KLF12: variants seen among roughly 807,000 people sequenced by gnomAD.
KLF12 encodes Krueppel-like factor 12.
A neutral mutation model predicts 37.8 loss-of-function variants in KLF12; 9 were observed. The ratio of observed to expected loss-of-function variants is 0.24; its 90% confidence interval spans 0.14 to 0.42. KLF12 has a LOEUF of 0.42. KLF12 is among the 10% of genes least tolerant of loss of function. The probability of loss-of-function intolerance (pLI) is 1.00; values close to 1 mark genes in which losing one functional copy is unlikely to be tolerated. For synonymous variants in KLF12, 208 were observed against 202.1 expected, an observed-to-expected ratio of 1.03 and a Z score of -0.25; for missense variants, 411 against 516.0, an observed-to-expected ratio of 0.80 and a Z score of 1.97.
chr13:73,969,786 T>C (rs1593793209), intron 2 of KLF12, among the ~76,000 whole-genome samples: 1 of 152,200 alleles, frequency 6.6e-6, no homozygotes, highest in South Asian at 2.1e-4. Flanking sequence ...CACTTAACAA[T>C]AGGCCAAGGC....
chr13:74,048,429 T>G (rs1174974005), intron 1 of KLF12, among the ~76,000 whole-genome samples: 3 of 152,038 alleles, frequency 2.0e-5, no homozygotes, highest in Non-Finnish European at 4.4e-5. Flanking sequence ...GGACTGTTTT[T>G]TTTTTCCCAA....
At chr13:73,953,697 T>C (rs929609394) in intron 2 of KLF12, among the ~76,000 whole-genome samples, 1 of 152,210 alleles carries the variant, frequency 6.6e-6, no homozygotes, top group African/African-American at 2.4e-5. Flanking sequence ...TGATTTCAAG[T>C]TGCTCCTTAT....
chr13:73,976,355 C>T (rs900416253), intron 2 of KLF12, among the ~76,000 whole-genome samples: 3 of 152,134 alleles, frequency 2.0e-5, no homozygotes, highest in East Asian at 1.9e-4. Flanking sequence ...TCCAAGGAAC[C>T]GGTTGCTCAA....
chr13:74,105,250 A>G lies in KLF12; in HGVS notation c.-32+28489T>C, dbSNP rs535774964. Reference sequence around the variant, plus strand: ...GGAAATATTGACTTAGCAATTTCAGAATTCTTAAAATAGCAGTATTTTCTA... The same window carrying G: ...GGAAATATTGACTTAGCAATTTCAGGATTCTTAAAATAGCAGTATTTTCTA... On this transcript the variant is annotated intron_variant, in intron 1 of 7. Coordinates refer to ENST00000377669, the MANE Select transcript of KLF12 (RefSeq NM_007249.5). 9.2e-5 allele frequency among the ~76,000 whole-genome samples: 14 copies of G among 152,314 alleles called. No individual in the cohort carries two copies. In the South Asian group the frequency reaches 2.3e-3, roughly 25 times the overall value.
rs1447757902 is a variant in KLF12, at chr13:73,846,172, A to C, written c.325T>G (p.Ser109Ala). The C allele has an allele frequency of 1.9e-6, 3 of 1,613,952 alleles. No individual in the cohort carries two copies. In the African/African-American group the frequency reaches 4.0e-5, roughly 22 times the overall value. The stretch of plus-strand genomic sequence containing the variant: ...GAAGAGGTTGAAGTTGAAGAAGGTG[A>C]GGAGGCAGATGCTGTCATGGAAACT... Residue 109 changes from serine to alanine, a missense_variant, in exon 4 of 8, where the codon TCA (serine) becomes GCA (alanine). This residue lies in a region of KLF12 where 351 missense variants were observed against 397.8 expected (regional missense o/e 0.88). Coordinates refer to ENST00000377669, the MANE Select transcript of KLF12 (RefSeq NM_007249.5).
At chr13:73,945,411 G>A (rs565723348) in intron 2 of KLF12, among the ~76,000 whole-genome samples, 21 of 151,786 alleles carry the variant, frequency 1.4e-4, no homozygotes, top group African/African-American at 5.1e-4. Flanking sequence ...GGAGGTTGCA[G>A]TGAGCCGAGA....
At chr13:73,718,305 ACACAGCC>A (rs1460835449) in intron 6 of KLF12, among the ~76,000 whole-genome samples, 1 of 152,250 alleles carries the variant, frequency 6.6e-6, no homozygotes, top group African/African-American at 2.4e-5. Flanking sequence ...TAATCGGGCA[ACACAGCC>A]CATCAACCAC....
intron 4 of KLF12, among the ~76,000 whole-genome samples, chr13:73,817,903 A>G (rs565916695): frequency 3.3e-5 from 5 of 152,366 alleles, no homozygotes; most frequent in South Asian, 2.1e-4. Flanking sequence ...GATGTGCAAA[A>G]TTAGATTTGT....
At chr13:74,162,239 A>G in the KLF12 span, among the ~76,000 whole-genome samples, 1 of 152,204 alleles carries the variant, frequency 6.6e-6, no homozygotes, top group Non-Finnish European at 1.5e-5. Context: ...CAGCTCAGAA[A>G]ACTTGTGTTC....
chr13:74,148,314 T>A, the KLF12 span, among the ~76,000 whole-genome samples: 1 of 151,548 alleles, frequency 6.6e-6, no homozygotes, highest in Non-Finnish European at 1.5e-5. Context: ...AAAATAAATT[T>A]AAAAACCATT....
At chr13:73,709,843 G>A (rs1365242038) in intron 7 of KLF12, among the ~76,000 whole-genome samples, 1 of 152,142 alleles carries the variant, frequency 6.6e-6, no homozygotes, top group Non-Finnish European at 1.5e-5. Flanking sequence ...CTATCTGAAT[G>A]GAGGCCTCTC....
the KLF12 span, among the ~76,000 whole-genome samples, chr13:74,213,049 C>T: frequency 1.3e-4 from 19 of 151,952 alleles, no homozygotes; most frequent in Non-Finnish European, 2.4e-4. Context: ...AAAAATTCTG[C>T]AACAGTAGAA....
intron 1 of KLF12, among the ~76,000 whole-genome samples, chr13:74,113,156 A>G (rs759200835): frequency 6.6e-6 from 1 of 152,172 alleles, no homozygotes; most frequent in Non-Finnish European, 1.5e-5. Flanking sequence ...AGGTTTAAGA[A>G]AAGAAGCCAT....
the KLF12 span, among the ~76,000 whole-genome samples, chr13:74,181,268 G>A: frequency 5.0e-4 from 76 of 151,280 alleles, 1 homozygote; most frequent in Non-Finnish European, 8.0e-4. Flanking sequence ...AAAGTGTTGG[G>A]ATTACAGGCG....
At chr13:74,118,077 T>C (rs1877414975) in intron 1 of KLF12, among the ~76,000 whole-genome samples, 1 of 152,196 alleles carries the variant, frequency 6.6e-6, no homozygotes, top group South Asian at 2.1e-4. Flanking sequence ...TTGTTAGTTT[T>C]TGTATGTGTG....
chr13:74,122,258 T>C (rs989160718), intron 1 of KLF12, among the ~76,000 whole-genome samples: 1 of 152,090 alleles, frequency 6.6e-6, no homozygotes, highest in Non-Finnish European at 1.5e-5. Flanking sequence ...TTTTTTTAAA[T>C]GGGCAAAGAA....
chr13:74,028,909 A>T (rs1893044709), intron 1 of KLF12, among the ~76,000 whole-genome samples: 1 of 152,202 alleles, frequency 6.6e-6, no homozygotes, highest in African/African-American at 2.4e-5. Flanking sequence ...AAAACATATG[A>T]TATTAAAAAA....
Position 73,688,833 on chromosome 13 carries a change from C to T in KLF12, c.*6657G>A, listed in dbSNP as rs1465936608. ...AGTCAGGAATCTGGGAAGGTGGTTT[C>T]GGGACACCCACGTGCAGTGTGGTGG... is the stretch of plus-strand genomic sequence containing the variant. On this transcript the variant is annotated 3_prime_UTR_variant, in exon 8 of 8. Transcript: ENST00000377669. 3.3e-5 allele frequency: 5 copies of T among 152,180 alleles called. No individual in the cohort carries two copies. The highest frequency in any genetic ancestry group is 4.4e-5 in the Non-Finnish European group (3 of 68,008). 9.4% of individuals were successfully genotyped at this position (152,180 alleles called of 1,614,324 possible).
At chr13:74,264,646 A>G in the KLF12 span, among the ~76,000 whole-genome samples, 1 of 152,206 alleles carries the variant, frequency 6.6e-6, no homozygotes, top group Admixed American at 6.5e-5. Flanking sequence ...CTCTTAAGTC[A>G]GTTCTCTTCA....
Sources: gnomAD v4.1 joint callset for allele counts (sites outside exome capture counted in the v4.1 genomes callset) on GRCh38, gnomAD v4.1.1 for gene constraint, gnomAD v4.1.1 regional missense constraint, MANE v1.5 for transcripts, NCBI Gene and HGNC (gene_info 2026-07-23, HGNC 2026-07-21) for gene names.